The following BTBD3 variants were observed in gnomAD, a reference collection of about 807,000 sequenced individuals.
BTBD3 encodes BTB/POZ domain-containing protein 3.
BTBD3 carries 14 observed loss-of-function variants against 41.6 expected under a neutral mutation model. The ratio of observed to expected loss-of-function variants is 0.34; its 90% CI spans 0.22 to 0.53. The LOEUF (loss-of-function observed/expected upper bound fraction) is 0.53, where lower values mean the gene tolerates loss of function less well. Ranked by LOEUF, BTBD3 falls within the 20% of genes least tolerant of loss-of-function variation. The pLI is 0.95. For missense variants in BTBD3, 426 were observed against 654.7 expected (o/e 0.65, Z 3.81); for synonymous variants, 249 against 233.7 (o/e 1.07, Z -0.60).
At position 11,922,736 on chromosome 20, in the gene BTBD3, T is replaced by A. The variant is rs1270667428; in HGVS notation, c.639T>A (p.Val213=). 6.2e-7 allele frequency: 1 copy of A among 1,614,228 alleles called. No homozygotes were observed. The highest frequency in any genetic ancestry group is 8.5e-7 in the Non-Finnish European group (1 of 1,180,036). ...TCCCTCACCTTGCCAGAGCCTGTGT[T>A]AATTTCCTGGAGACCAGCCTGAGTG... ...YIVPHLARAC[V]NFLETSLSAK... is the part of the protein sequence containing the mutation. Residue 213 remains valine, a synonymous_variant, in exon 4 of 4, where the codon GTT becomes GTA. Coordinates refer to ENST00000378226, the MANE Select transcript of BTBD3 (RefSeq NM_014962.4).
upstream of BTBD3, among the ~76,000 whole-genome samples, chr20:11,917,408 C>G (rs1320559519): frequency 1.3e-5 from 2 of 151,452 alleles, no homozygotes; most frequent in African/African-American, 4.8e-5. Flanking sequence ...TAGACTATGA[C>G]TTGCACTCAA....
At chr20:11,918,991 C>G in intron 1 of BTBD3, 95 bp from the exon 2 acceptor site, 2 of 895,810 alleles carry the variant, frequency 2.2e-6, no homozygotes, top group South Asian at 1.6e-5. Context: ...TGGACTGTTG[C>G]TTAGCTTGCA....
At chr20:11,895,412 C>T (rs1321329777) in intron 1 of BTBD3, among the ~76,000 whole-genome samples, 1 of 152,162 alleles carries the variant, frequency 6.6e-6, no homozygotes, top group East Asian at 1.9e-4. Flanking sequence ...CTCTTCTTCC[C>T]CCCATCCCTT....
At chr20:11,899,075 A>C (rs2056808181) in intron 1 of BTBD3, among the ~76,000 whole-genome samples, 1 of 152,104 alleles carries the variant, frequency 6.6e-6, no homozygotes, top group African/African-American at 2.4e-5. Context: ...CCAGTCTGCA[A>C]ATATTTGTCC....
chr20:11,918,774 T>G (rs1480366978), intron 1 of BTBD3, 173 bp downstream of exon 1: 5 of 729,914 alleles, frequency 6.9e-6, no homozygotes, highest in Non-Finnish European at 1.1e-5. Context: ...GCTGTTTTCC[T>G]CTTAGATAAA....
chr20:11,900,776 C>T (rs1049629906), intron 1 of BTBD3, among the ~76,000 whole-genome samples: 2 of 149,584 alleles, frequency 1.3e-5, no homozygotes, highest in Non-Finnish European at 3.0e-5. Context: ...GGCGACATCT[C>T]GACTCACTGC....
At chr20:11,910,276 A>G (rs1414086632) in intron 1 of BTBD3, 1 of 152,172 alleles carries the variant, frequency 6.6e-6, no homozygotes, top group African/African-American at 2.4e-5. Flanking sequence ...ATATCTTTGG[A>G]AACACTTTCC....
At chr20:11,906,780 G>A (rs529693698) in intron 1 of BTBD3, among the ~76,000 whole-genome samples, 2 of 152,160 alleles carry the variant, frequency 1.3e-5, no homozygotes, top group African/African-American at 2.4e-5. Flanking sequence ...TATTTGCAGG[G>A]GAGGCATGCA....
intron 1 of BTBD3, among the ~76,000 whole-genome samples, chr20:11,907,527 C>CA (rs1338425366): frequency 6.6e-6 from 1 of 152,152 alleles, no homozygotes; most frequent in Non-Finnish European, 1.5e-5. Context: ...ATGGGCATGG[C>CA]ACTGTTGCAG....
At chr20:11,911,379 T>C (rs918405916) in intron 1 of BTBD3, among the ~76,000 whole-genome samples, 1 of 152,212 alleles carries the variant, frequency 6.6e-6, no homozygotes, top group African/African-American at 2.4e-5. Flanking sequence ...ATTATACAGA[T>C]TTTTTAAATC....
chr20:11,915,739 C>G (rs2056914081), upstream of BTBD3, among the ~76,000 whole-genome samples: 1 of 152,172 alleles, frequency 6.6e-6, no homozygotes. Flanking sequence ...TAATGCCCTT[C>G]TTTGTAGCAC....
At chr20:11,891,822 A>T (rs2056756381) in intron 1 of BTBD3, among the ~76,000 whole-genome samples, 1 of 152,130 alleles carries the variant, frequency 6.6e-6, no homozygotes, top group Admixed American at 6.5e-5. Flanking sequence ...AGACCAAGGG[A>T]GATCACGGTG....
intron 1 of BTBD3, chr20:11,891,018 C>A: frequency 1.0e-6 from 1 of 965,728 alleles, no homozygotes; most frequent in Non-Finnish European, 1.2e-6. Context: ...CGGGACCGCC[C>A]GGGCAGGGGC....
Position 11,919,750 on chromosome 20 carries a change from T to C in BTBD3, c.450T>C (p.His150=), listed in dbSNP as rs760177669. Residue 150 remains histidine, a synonymous_variant, in exon 3 of 4, where the codon CAT becomes CAC. Transcript: ENST00000378226. ...TAGCTGTTGGGAGCTCTGTGTTCCATGCGATGTTTTACGGAGAACTTGCAG... is the reference window on the plus strand; with the variant it reads ...TAGCTGTTGGGAGCTCTGTGTTCCACGCGATGTTTTACGGAGAACTTGCAG... ...YVLAVGSSVF[H]AMFYGELAED... is the part of the protein sequence containing the mutation. 9.9e-6 allele frequency: 16 copies of C among 1,614,050 alleles called. No homozygotes were observed. Among genetic ancestry groups the C allele is most frequent in the Non-Finnish European group, 1.3e-5 (15 of 1,180,016 alleles).
At chr20:11,916,861 T>C (rs1388321842), upstream of BTBD3, among the ~76,000 whole-genome samples, 1 of 152,146 alleles carries the variant, frequency 6.6e-6, no homozygotes, top group East Asian at 1.9e-4. Context: ...CTCTTTACAA[T>C]AAATAAGCAT....
intron 2 of BTBD3, chr20:11,919,517 C>A: frequency 1.7e-6 from 2 of 1,186,372 alleles, no homozygotes; most frequent in South Asian, 1.7e-5. Flanking sequence ...GTGCATTAAT[C>A]TCTTAAAGCT....
chr20:11,914,614 T>TA (rs1261200861), upstream of BTBD3, among the ~76,000 whole-genome samples: 1 of 151,540 alleles, frequency 6.6e-6, no homozygotes, highest in Non-Finnish European at 1.5e-5. Context: ...CACTAAAACT[T>TA]AAAGTATAAT....
At chr20:11,918,994 A>T in intron 1 of BTBD3, 92 bp from the exon 2 acceptor site, 1 of 892,758 alleles carries the variant, frequency 1.1e-6, no homozygotes, top group Non-Finnish European at 1.8e-6. Context: ...ACTGTTGCTT[A>T]GCTTGCAAGT....
upstream of BTBD3, chr20:11,913,673 A>C (rs1168663175): frequency 2.6e-5 from 4 of 152,194 alleles, no homozygotes; most frequent in South Asian, 6.2e-4. Flanking sequence ...ACCAGTTGCC[A>C]TACCTGTGAA....
Sources: gnomAD v4.1 joint callset for allele counts (sites outside exome capture counted in the v4.1 genomes callset) on GRCh38, gnomAD v4.1.1 for gene constraint, MANE v1.5 for transcripts, NCBI Gene and HGNC (gene_info 2026-07-23, HGNC 2026-07-21) for gene names.